USP15: variants seen among roughly 807,000 people sequenced by gnomAD.
USP15 encodes the protein ubiquitin specific peptidase 15.
Under a neutral mutation model 127.1 loss-of-function variants are expected in USP15, and 18 were observed. That is an observed-to-expected ratio of 0.14 (90% CI 0.10 to 0.21). The LOEUF (loss-of-function observed/expected upper bound fraction) is 0.21, where lower values mean the gene tolerates loss of function less well. Ranked by LOEUF, USP15 falls within the 10% of genes least tolerant of loss-of-function variation. USP15 has a pLI of 1.00. For synonymous variants in USP15, 364 were observed against 393.7 expected (o/e 0.92, Z 0.89); for missense variants, 805 against 1,159.9 (o/e 0.69, Z 4.44).
intron 1 of USP15, among the ~76,000 whole-genome samples, chr12:62,287,324 A>C (rs1190344643): frequency 6.6e-6 from 1 of 152,190 alleles, no homozygotes. Context: ...CTAATATTTA[A>C]AATAAAATTT....
intron 11 of USP15, among the ~76,000 whole-genome samples, chr12:62,384,644 AT>A (rs5798640): frequency 0.85 from 129,121 of 151,284 alleles, 55,340 homozygotes; most frequent in African/African-American, 0.92. Flanking sequence ...GTTAATTGTA[AT>A]TTTTTTTTAC....
chr12:62,313,151 T>A (rs1022063219), intron 3 of USP15, among the ~76,000 whole-genome samples: 1 of 151,460 alleles, frequency 6.6e-6, no homozygotes, highest in Non-Finnish European at 1.5e-5. Context: ...AAGAAAAAAA[T>A]GTTGAGAAAA....
At chr12:62,344,172 G>C (rs1224567402) in intron 6 of USP15, among the ~76,000 whole-genome samples, 1 of 152,128 alleles carries the variant, frequency 6.6e-6, no homozygotes, top group Non-Finnish European at 1.5e-5. Flanking sequence ...TTCAAGACAA[G>C]GCAAGTCCCT....
At chr12:62,280,978 T>C (rs775532382) in intron 1 of USP15, among the ~76,000 whole-genome samples, 1 of 152,188 alleles carries the variant, frequency 6.6e-6, no homozygotes, top group African/African-American at 2.4e-5. Flanking sequence ...AAAGTGAAAA[T>C]TGGGCTTATC....
chr12:62,342,597 G>T (rs970426087), intron 6 of USP15, among the ~76,000 whole-genome samples: 7 of 151,902 alleles, frequency 4.6e-5, no homozygotes, highest in African/African-American at 1.7e-4. Context: ...TTTATTGGGG[G>T]GTCTTTTTGT....
Position 62,329,826 on chromosome 12 carries a change from G to A in USP15, c.683+3893G>A, listed in dbSNP as rs114147161. 4.9e-3 allele frequency among the ~76,000 whole-genome samples: 732 copies of A among 150,152 alleles called. 3 individuals are homozygous for A. Among genetic ancestry groups the A allele is most frequent in the African/African-American group, 0.016 (653 of 40,822 alleles). On this transcript the variant is annotated intron_variant, in intron 6 of 21. Coordinates refer to ENST00000280377, the MANE Select transcript of USP15 (RefSeq NM_001252078.2). ...ATGGTGTAGATATCTGTGTACTTACGATGTGAGTGTAAACTAATATTGTCA... is the reference window on the plus strand; with the variant it reads ...ATGGTGTAGATATCTGTGTACTTACAATGTGAGTGTAAACTAATATTGTCA...
In USP15 at chr12:62,281,153, T is replaced by C. The variant is rs186167152; in HGVS notation, c.90-13026T>C. On this transcript the variant is annotated intron_variant, in intron 1 of 21. Coordinates refer to ENST00000280377, the MANE Select transcript of USP15 (RefSeq NM_001252078.2). The stretch of plus-strand genomic sequence containing the variant: ...GGCAGATTTCATAGATGTAGAAGTA[T>C]AGTTTTTACAGTGCAACAGATCTAT... Among the ~76,000 whole-genome samples, 28 of 152,326 alleles carry C rather than the reference T, an allele frequency of 1.8e-4. No homozygotes were observed. In the East Asian group the frequency reaches 4.8e-3, roughly 26 times the overall value.
chr12:62,391,442 G>GA lies in USP15; in HGVS notation c.2233+18dup. The GA allele has an allele frequency of 1.3e-6, 2 of 1,585,940 alleles. No individual in the cohort carries two copies. Among genetic ancestry groups the GA allele is most frequent in the Non-Finnish European group, 1.7e-6 (2 of 1,171,808 alleles). On this transcript the variant is annotated intron_variant, in intron 16 of 21. Coordinates refer to ENST00000280377, the MANE Select transcript of USP15 (RefSeq NM_001252078.2). ...CTTAGGCTAGATGGTAAGTATTTGT[G>GA]AAAAATGGCTTGAACATTAAACAAG...
chr12:62,399,298 A>G (rs2067600441), intron 20 of USP15, among the ~76,000 whole-genome samples: 1 of 152,152 alleles, frequency 6.6e-6, no homozygotes. Flanking sequence ...GAAAATAGGG[A>G]AAAGTGTGCT....
chr12:62,393,457 T>C (rs2067384421), intron 19 of USP15: 1 of 320,304 alleles, frequency 3.1e-6, no homozygotes, highest in African/African-American at 2.2e-5. Flanking sequence ...TTCTGTGTTA[T>C]ATTACCTATG....
chr12:62,307,421 T>C (rs1471605109), intron 3 of USP15, among the ~76,000 whole-genome samples: 1 of 152,150 alleles, frequency 6.6e-6, no homozygotes, highest in Non-Finnish European at 1.5e-5. Context: ...CCTTTGTACG[T>C]CCTATTTCCC....
At chr12:62,318,188 G>C (rs140312792) in intron 4 of USP15, among the ~76,000 whole-genome samples, 1 of 152,060 alleles carries the variant, frequency 6.6e-6, no homozygotes, top group Non-Finnish European at 1.5e-5. Flanking sequence ...TAAACCCTAG[G>C]CTGTTGTTAT....
At chr12:62,319,408 A>G (rs2064923490) in intron 4 of USP15, among the ~76,000 whole-genome samples, 1 of 152,098 alleles carries the variant, frequency 6.6e-6, no homozygotes, top group African/African-American at 2.4e-5. Flanking sequence ...ACTACCAGCA[A>G]AAGTGAACAT....
intron 8 of USP15, among the ~76,000 whole-genome samples, chr12:62,380,344 G>T (rs1161966236): frequency 6.6e-6 from 1 of 151,972 alleles, no homozygotes; most frequent in Non-Finnish European, 1.5e-5. Flanking sequence ...CTAAGTAAAT[G>T]TTGACTCTGC....
At chr12:62,296,712 C>G (rs2064139972) in intron 2 of USP15, among the ~76,000 whole-genome samples, 2 of 151,014 alleles carry the variant, frequency 1.3e-5, no homozygotes, top group African/African-American at 2.4e-5. Flanking sequence ...CCAGATGAGC[C>G]CAAAACTGAG....
chr12:62,281,583 GC>G (rs1346111589), intron 1 of USP15, among the ~76,000 whole-genome samples: 57 of 152,220 alleles, frequency 3.7e-4, no homozygotes, highest in African/African-American at 1.2e-3. Flanking sequence ...AAGTGATCCA[GC>G]CATCTTGGCC....
At chr12:62,383,779 C>A in intron 9 of USP15, 61 bp from the exon 10 acceptor site, 1 of 1,531,802 alleles carries the variant, frequency 6.5e-7, no homozygotes, top group Non-Finnish European at 8.8e-7. Context: ...ATCTATTGTA[C>A]ATATGTTTAA....
chr12:62,404,106 C>T, intron 21 of USP15, 87 bp from the exon 22 acceptor site: 2 of 1,349,636 alleles, frequency 1.5e-6, no homozygotes, highest in Admixed American at 2.9e-5. Flanking sequence ...GCCCTCTTAC[C>T]AAAATTGGTG....
intron 1 of USP15, among the ~76,000 whole-genome samples, chr12:62,261,383 T>C (rs2063051833): frequency 6.6e-6 from 1 of 152,240 alleles, no homozygotes; most frequent in East Asian, 1.9e-4. Context: ...TGTAACATAA[T>C]TTAAAATTCC....
Sources: gnomAD v4.1 joint callset for allele counts (sites outside exome capture counted in the v4.1 genomes callset) on GRCh38, gnomAD v4.1.1 for gene constraint, MANE v1.5 for transcripts, NCBI Gene and HGNC (gene_info 2026-07-23, HGNC 2026-07-21) for gene names.